The following TNFSF13B variants were observed in gnomAD, a reference collection of about 807,000 sequenced individuals.
TNFSF13B encodes TNF superfamily member 13b.
A neutral mutation model predicts 29.1 loss-of-function variants in TNFSF13B; 8 were observed. That is an observed-to-expected ratio of 0.27 (90% CI 0.16 to 0.50). TNFSF13B has a LOEUF of 0.50. Among genes scored for constraint, TNFSF13B ranks in the 20% least tolerant of loss-of-function variants. The probability of loss-of-function intolerance (pLI) is 0.98; values close to 1 mark genes in which losing one functional copy is unlikely to be tolerated. For synonymous variants in TNFSF13B, 125 were observed against 130.8 expected, an observed-to-expected ratio of 0.96 and a Z score of 0.30; for missense variants, 248 against 334.9, an observed-to-expected ratio of 0.74 and a Z score of 2.03.
rs758672206 is a variant in TNFSF13B at position 108,298,503 on chromosome 13, C to T, written c.482-4750C>T. 1.1e-3 allele frequency among the ~76,000 whole-genome samples: 160 copies of T among 145,374 alleles called. 30 individuals carry two copies. Among genetic ancestry groups the T allele is most frequent in the Non-Finnish European group, 2.0e-3 (133 of 65,492 alleles). On this transcript the variant is annotated intron_variant, in intron 3 of 5. Coordinates refer to ENST00000375887, the MANE Select transcript of TNFSF13B (RefSeq NM_006573.5). ...CAGTAAACTTCAAGGAGGGTAAAGACAAAAAGATTCCAAATCTTATTAAAA... is the reference window on the plus strand; with the variant it reads ...CAGTAAACTTCAAGGAGGGTAAAGATAAAAAGATTCCAAATCTTATTAAAA...
At chr13:108,291,041 T>A (rs1425756877) in intron 3 of TNFSF13B, among the ~76,000 whole-genome samples, 3 of 151,970 alleles carry the variant, frequency 2.0e-5, no homozygotes, top group African/African-American at 7.2e-5. Flanking sequence ...TTTTATTAAA[T>A]TCCATGTTTA....
At chr13:108,276,375 G>T (rs1880762524) in intron 2 of TNFSF13B, among the ~76,000 whole-genome samples, 1 of 152,168 alleles carries the variant, frequency 6.6e-6, no homozygotes, top group African/African-American at 2.4e-5. Context: ...TCAACTTCTG[G>T]AAAAGCATTT....
chr13:108,303,403 G>A (rs1303539976), intron 4 of TNFSF13B, 38 bp downstream of exon 4: 1 of 1,610,066 alleles, frequency 6.2e-7, no homozygotes, highest in East Asian at 2.2e-5. Context: ...ACTGTTCAAA[G>A]CCTCCCATTT....
Position 108,295,481 on chromosome 13 carries a change from G to A in TNFSF13B, c.482-7772G>A, listed in dbSNP as rs565963622. On this transcript the variant is annotated intron_variant, in intron 3 of 5. Coordinates refer to ENST00000375887, the MANE Select transcript of TNFSF13B (RefSeq NM_006573.5). ...ATGCTGGGATTGCATGTGAGCCACCGCACCCAGTCCTTTTTGTACTCTTTA... is the reference window on the plus strand; with the variant it reads ...ATGCTGGGATTGCATGTGAGCCACCACACCCAGTCCTTTTTGTACTCTTTA... 2.2e-4 allele frequency among the ~76,000 whole-genome samples: 32 copies of A among 145,150 alleles called. 1 individual carries two copies. The highest frequency in any genetic ancestry group is 1.9e-3 in the Admixed American group (28 of 14,732).
At chr13:108,280,639 T>C (rs1880915759) in intron 2 of TNFSF13B, among the ~76,000 whole-genome samples, 1 of 151,934 alleles carries the variant, frequency 6.6e-6, no homozygotes, top group South Asian at 2.1e-4. Flanking sequence ...AGATGATGAT[T>C]CAAGTATAAA....
chr13:108,271,453 C>CAT (rs1880611390), intron 2 of TNFSF13B, among the ~76,000 whole-genome samples: 1 of 88,056 alleles, frequency 1.1e-5, no homozygotes, highest in Admixed American at 1.4e-4. Context: ...ATCACACACA[C>CAT]ACACACACAC....
At position 108,303,838 on chromosome 13, in the gene TNFSF13B, T is replaced by G. The variant is rs144235539; in HGVS notation, c.745+234T>G. Reference sequence around the variant, plus strand: ...CATTTTTATATACATTTAGAAAGGGTAGTAATTTCATAGCAACTTCTACCT... The same window carrying G: ...CATTTTTATATACATTTAGAAAGGGGAGTAATTTCATAGCAACTTCTACCT... On this transcript the variant is annotated intron_variant, in intron 5 of 5. Coordinates refer to ENST00000375887, the MANE Select transcript of TNFSF13B (RefSeq NM_006573.5). Among the ~76,000 whole-genome samples the G allele has an allele frequency of 5.0e-3, 764 of 152,272 alleles. 9 individuals are homozygous for G. Among genetic ancestry groups the G allele is most frequent in the African/African-American group, 0.017 (714 of 41,552 alleles).
chr13:108,273,661 C>G (rs991299219), intron 2 of TNFSF13B, among the ~76,000 whole-genome samples: 7 of 152,250 alleles, frequency 4.6e-5, no homozygotes, highest in African/African-American at 1.4e-4. Flanking sequence ...TCTGCATGAG[C>G]CAGTTGTATC....
Position 108,298,700 on chromosome 13 carries a change from G to T in TNFSF13B, c.482-4553G>T, listed in dbSNP as rs1265338875. ...GATTAAGATTGCATTGAGTCACCTG[G>T]GCACGGTAGCTCATGCCTGTAATCC... On this transcript the variant is annotated intron_variant, in intron 3 of 5. Coordinates refer to ENST00000375887, the MANE Select transcript of TNFSF13B (RefSeq NM_006573.5). Among the ~76,000 whole-genome samples the T allele has an allele frequency of 2.1e-5, 3 of 145,294 alleles. 1 individual carries two copies. The highest frequency in any genetic ancestry group is 4.6e-5 in the Non-Finnish European group (3 of 65,540).
In TNFSF13B at chr13:108,270,121, C is replaced by A. The variant is rs2139036847; in HGVS notation, c.226C>A (p.Leu76Met). 1.9e-6 allele frequency: 3 copies of A among 1,602,640 alleles called. No homozygotes were observed. In the East Asian group the frequency reaches 6.7e-5, roughly 36 times the overall value. ...CCAGGTGGCCGCCCTGCAAGGGGAC[C>A]TGGCCAGCCTCCGGGCAGAGCTGCA... is the stretch of plus-strand genomic sequence containing the variant. ...FYQVAALQGD[L>M]ASLRAELQGH... The change falls in exon 1 of 6, where the codon CTG becomes ATG. Residue 76 changes from leucine to methionine, a missense_variant. Leu to Met is a conservative substitution (Grantham distance 15). Coordinates refer to ENST00000375887, the MANE Select transcript of TNFSF13B (RefSeq NM_006573.5).
chr13:108,303,444 T>C lies in TNFSF13B; in HGVS notation c.595-10T>C. The C allele has an allele frequency of 6.2e-7, 1 of 1,609,512 alleles. No homozygotes were observed. Among genetic ancestry groups the C allele is most frequent in the Non-Finnish European group, 8.5e-7 (1 of 1,178,568 alleles). On this transcript the variant is annotated splice_polypyrimidine_tract_variant and intron_variant, in intron 4 of 5. Coordinates refer to ENST00000375887, the MANE Select transcript of TNFSF13B (RefSeq NM_006573.5). ...TCATTTCTGACACAGTTTTTTGGTT[T>C]GTTTCTTAGGTTTTATATACTGATA... is the stretch of plus-strand genomic sequence containing the variant.
At chr13:108,281,734 A>G (rs1880963368) in intron 2 of TNFSF13B, among the ~76,000 whole-genome samples, 1 of 152,182 alleles carries the variant, frequency 6.6e-6, no homozygotes, top group Admixed American at 6.5e-5. Context: ...CTCGACTTTT[A>G]TTACTTTTTT....
chr13:108,287,936 T>G (rs971962284), intron 3 of TNFSF13B, among the ~76,000 whole-genome samples: 1 of 152,178 alleles, frequency 6.6e-6, no homozygotes, highest in Non-Finnish European at 1.5e-5. Context: ...TCCAGAGAAA[T>G]GGTCCTTGAA....
At chr13:108,294,055 A>C (rs1881396912) in intron 3 of TNFSF13B, among the ~76,000 whole-genome samples, 1 of 152,122 alleles carries the variant, frequency 6.6e-6, no homozygotes, top group Non-Finnish European at 1.5e-5. Context: ...TCTTTTTTAA[A>C]ATTTCCTTTT....
At chr13:108,287,160 A>G (rs371275657) in intron 3 of TNFSF13B, among the ~76,000 whole-genome samples, 10 of 151,744 alleles carry the variant, frequency 6.6e-5, no homozygotes, top group South Asian at 6.3e-4. Flanking sequence ...TAGGAGATAT[A>G]CCTACTGTTA....
At chr13:108,304,669 G>A (rs1354364034) in intron 5 of TNFSF13B, among the ~76,000 whole-genome samples, 1 of 152,178 alleles carries the variant, frequency 6.6e-6, no homozygotes, top group Non-Finnish European at 1.5e-5. Context: ...TACCGTGAAT[G>A]ACCGTGTGAC....
intron 3 of TNFSF13B, among the ~76,000 whole-genome samples, 188 bp from the exon 4 acceptor site, chr13:108,303,065 T>C (rs1353784028): frequency 6.6e-6 from 1 of 152,180 alleles, no homozygotes; most frequent in African/African-American, 2.4e-5. Context: ...GGTTAACATA[T>C]AAGTGATGGC....
chr13:108,279,605 T>C (rs1179841400), intron 2 of TNFSF13B, among the ~76,000 whole-genome samples: 1 of 152,156 alleles, frequency 6.6e-6, no homozygotes, highest in Non-Finnish European at 1.5e-5. Context: ...AACTGTTTTG[T>C]ATTCCAGGGA....
chr13:108,288,316 A>T (rs1881201991), intron 3 of TNFSF13B, among the ~76,000 whole-genome samples: 1 of 152,212 alleles, frequency 6.6e-6, no homozygotes. Flanking sequence ...TGGGTGTATC[A>T]GTGACTAAAA....
Sources: gnomAD v4.1 joint callset for allele counts (sites outside exome capture counted in the v4.1 genomes callset) on GRCh38, gnomAD v4.1.1 for gene constraint, MANE v1.5 for transcripts, NCBI Gene and HGNC (gene_info 2026-07-23, HGNC 2026-07-21) for gene names.